TMEM135: variants seen among roughly 807,000 people sequenced by gnomAD.
TMEM135 encodes the protein transmembrane protein 135.
TMEM135 carries 30 observed loss-of-function variants against 60.3 expected under a neutral mutation model. The ratio of observed to expected loss-of-function variants is 0.50; its 90% CI spans 0.37 to 0.68. TMEM135 has a LOEUF of 0.68. Among genes scored for constraint, TMEM135 ranks in the 30% least tolerant of loss-of-function variants. The pLI is 0.00. For missense variants in TMEM135, 468 were observed against 548.8 expected (o/e 0.85, Z 1.47); for synonymous variants, 190 against 186.7 (o/e 1.02, Z -0.14).
intron 1 of TMEM135, among the ~76,000 whole-genome samples, chr11:87,063,985 G>A (rs951447725): frequency 1.7e-4 from 26 of 152,108 alleles, no homozygotes; most frequent in African/African-American, 6.3e-4. Context: ...TGAGTTATGG[G>A]GTAGACATTT....
In TMEM135 at chr11:87,294,628, C is replaced by T. The variant is rs557260545; in HGVS notation, c.510-1154C>T. ...GAACTCCTAATCTCAGGTGATCCGC[C>T]GGCCTCGGCCTCCCAAAGTGCTGAG... is the stretch of plus-strand genomic sequence containing the variant. On this transcript the variant is annotated intron_variant, in intron 6 of 14. Coordinates refer to ENST00000305494, the MANE Select transcript of TMEM135 (RefSeq NM_022918.4). Among the ~76,000 whole-genome samples, 8 of 152,312 alleles carry T rather than the reference C, an allele frequency of 5.3e-5. No individual in the cohort carries two copies. In the East Asian group the frequency reaches 7.7e-4, roughly 15 times the overall value.
intron 5 of TMEM135, among the ~76,000 whole-genome samples, chr11:87,183,955 C>CAAAAAAAAAAAAA (rs71040297): frequency 1.2e-5 from 1 of 80,150 alleles, no homozygotes; most frequent in Non-Finnish European, 2.1e-5. Flanking sequence ...GACTTCGTCG[C>CAAAAAAAAAAAAA]AAAAAAAAAA....
intron 7 of TMEM135, among the ~76,000 whole-genome samples, chr11:87,297,601 AT>A (rs1942369106): frequency 6.6e-6 from 1 of 152,236 alleles, no homozygotes; most frequent in Non-Finnish European, 1.5e-5. Flanking sequence ...GACTCCCAGA[AT>A]TCTTGCAAAA....
chr11:87,237,794 AC>A (rs1372880337), intron 6 of TMEM135, among the ~76,000 whole-genome samples: 1 of 151,438 alleles, frequency 6.6e-6, no homozygotes, highest in Non-Finnish European at 1.5e-5. Flanking sequence ...CCCGTTAATC[AC>A]CCCCACCTCC....
intron 3 of TMEM135, among the ~76,000 whole-genome samples, chr11:87,079,335 A>G (rs933809117): frequency 1.3e-5 from 2 of 152,198 alleles, no homozygotes; most frequent in African/African-American, 4.8e-5. Context: ...GTATAGTTTT[A>G]GTTCTTACAT....
At chr11:87,210,059 C>T (rs1940326555) in intron 5 of TMEM135, among the ~76,000 whole-genome samples, 1 of 152,074 alleles carries the variant, frequency 6.6e-6, no homozygotes, top group Non-Finnish European at 1.5e-5. Flanking sequence ...TAAACACTTA[C>T]AACAAGAAAG....
intron 6 of TMEM135, among the ~76,000 whole-genome samples, chr11:87,266,689 A>T (rs911421072): frequency 2.0e-5 from 3 of 152,208 alleles, no homozygotes; most frequent in Non-Finnish European, 2.9e-5. Flanking sequence ...TCAGCTTCCC[A>T]TTAGAAGGTC....
chr11:87,237,202 G>A (rs1278865465), intron 6 of TMEM135, among the ~76,000 whole-genome samples: 1 of 152,014 alleles, frequency 6.6e-6, no homozygotes, highest in African/African-American at 2.4e-5. Flanking sequence ...GGGGGCTAAG[G>A]GGAAGAGTGT....
intron 13 of TMEM135, 146 bp downstream of exon 13, chr11:87,318,381 T>C (rs1942767210): frequency 5.8e-6 from 4 of 690,006 alleles, no homozygotes; most frequent in Non-Finnish European, 4.9e-6. Flanking sequence ...TGTTTTTTTT[T>C]CAGCAAGATA....
At chr11:87,083,220 G>A (rs1291821202) in intron 3 of TMEM135, among the ~76,000 whole-genome samples, 1 of 152,112 alleles carries the variant, frequency 6.6e-6, no homozygotes, top group Non-Finnish European at 1.5e-5. Flanking sequence ...TTCCAGGGTT[G>A]CTTAAAAAAT....
intron 1 of TMEM135, among the ~76,000 whole-genome samples, chr11:87,067,185 A>T (rs1856682843): frequency 6.8e-6 from 1 of 146,628 alleles, no homozygotes. Context: ...ATATACACAC[A>T]CTATGTATAT....
intron 5 of TMEM135, among the ~76,000 whole-genome samples, chr11:87,183,813 G>C (rs1939581396): frequency 6.6e-6 from 1 of 151,786 alleles, no homozygotes; most frequent in Non-Finnish European, 1.5e-5. Flanking sequence ...AAAATTAGCT[G>C]GGCGTGGTGG....
intron 5 of TMEM135, among the ~76,000 whole-genome samples, chr11:87,198,293 G>A (rs966054589): frequency 6.6e-6 from 1 of 152,048 alleles, no homozygotes. Context: ...TTTGTATTAG[G>A]ATACCTCTTT....
intron 5 of TMEM135, among the ~76,000 whole-genome samples, chr11:87,225,655 G>C (rs1288975972): frequency 6.6e-6 from 1 of 151,938 alleles, no homozygotes; most frequent in African/African-American, 2.4e-5. Context: ...GAAGCATTAG[G>C]GGGATTACTC....
At chr11:87,219,613 C>G (rs1940575314) in intron 5 of TMEM135, among the ~76,000 whole-genome samples, 1 of 152,138 alleles carries the variant, frequency 6.6e-6, no homozygotes, top group Non-Finnish European at 1.5e-5. Context: ...GGGCCTAACC[C>G]TTAAGACCTC....
intron 4 of TMEM135, among the ~76,000 whole-genome samples, chr11:87,099,046 GA>G (rs1349826991): frequency 6.6e-6 from 1 of 152,050 alleles, no homozygotes; most frequent in African/African-American, 2.4e-5. Context: ...ATGTTTTCAA[GA>G]AAACTTTAAA....
At chr11:87,308,564 C>T (rs1403292938) in intron 9 of TMEM135, among the ~76,000 whole-genome samples, 1 of 152,192 alleles carries the variant, frequency 6.6e-6, no homozygotes, top group East Asian at 1.9e-4. Flanking sequence ...TTTGGGCATA[C>T]ACTGCTATGA....
At chr11:87,066,617 A>G (rs1445507337) in intron 1 of TMEM135, among the ~76,000 whole-genome samples, 2 of 128,954 alleles carry the variant, frequency 1.6e-5, no homozygotes, top group Non-Finnish European at 3.2e-5. Context: ...AAAAAAAAAA[A>G]GGTTTTCAAT....
chr11:87,137,632 T>A (rs1212294702), intron 4 of TMEM135, among the ~76,000 whole-genome samples: 1 of 151,956 alleles, frequency 6.6e-6, no homozygotes, highest in Admixed American at 6.6e-5. Flanking sequence ...CACTATCTTG[T>A]TTTGAAACAT....
Sources: gnomAD v4.1 joint callset for allele counts (sites outside exome capture counted in the v4.1 genomes callset) on GRCh38, gnomAD v4.1.1 for gene constraint, MANE v1.5 for transcripts, NCBI Gene and HGNC (gene_info 2026-07-23, HGNC 2026-07-21) for gene names.